ZRANB1: variants seen among roughly 807,000 people sequenced by gnomAD.
ZRANB1 encodes zinc finger RANBP2-type containing 1, also known as ubiquitin thioesterase ZRANB1.
Under a neutral mutation model 80.5 loss-of-function variants are expected in ZRANB1, and 16 were observed. That is an observed-to-expected ratio of 0.20 (90% CI 0.13 to 0.30). The LOEUF (loss-of-function observed/expected upper bound fraction) is 0.30. ZRANB1 is among the 10% of genes least tolerant of loss of function. The pLI, the probability that ZRANB1 is intolerant of heterozygous loss-of-function variation, is 1.00. For missense variants in ZRANB1, 576 were observed against 862.6 expected (o/e 0.67, Z 4.16); for synonymous variants, 291 against 293.1 (o/e 0.99, Z 0.07).
At chr10:124,966,288 T>A (rs1951775018) in intron 1 of ZRANB1, among the ~76,000 whole-genome samples, 2 of 151,992 alleles carry the variant, frequency 1.3e-5, no homozygotes, top group Admixed American at 1.3e-4. Flanking sequence ...TACGTCTGGT[T>A]TCTCATACTA....
the ZRANB1 span, among the ~76,000 whole-genome samples, chr10:124,928,888 G>T: frequency 6.6e-6 from 1 of 152,176 alleles, no homozygotes; most frequent in African/African-American, 2.4e-5. Flanking sequence ...TGGAAAATCT[G>T]GGGAAATAAC....
rs375260411 is a variant in ZRANB1, at chr10:124,988,037, A to AAAGTC, written c.*3047_*3051dup. 6.6e-6 allele frequency: 1 copy of AAAGTC among 152,392 alleles called. No homozygotes were observed. Among genetic ancestry groups the AAAGTC allele is most frequent in the African/African-American group, 2.4e-5 (1 of 41,270 alleles). 9.4% of individuals were successfully genotyped at this position (152,392 alleles called of 1,614,324 possible). A position where few individuals can be genotyped will look rare whatever the true frequency, so the allele number is the denominator to read the frequency against. On this transcript the variant is annotated 3_prime_UTR_variant, in exon 9 of 9. Transcript: ENST00000359653. ...AGGTCATTTTGCTTTGGGGTAGATT[A>AAAGTC]AAGTCAGAACTCTAAAAGTTGAGCA...
At chr10:124,957,975 C>T (rs1277191497) in intron 1 of ZRANB1, among the ~76,000 whole-genome samples, 2 of 152,194 alleles carry the variant, frequency 1.3e-5, no homozygotes, top group Non-Finnish European at 2.9e-5. Flanking sequence ...AGTGATCCAC[C>T]TGCCTCGGCC....
the ZRANB1 span, among the ~76,000 whole-genome samples, chr10:124,928,141 A>G: frequency 4.6e-5 from 7 of 152,208 alleles, no homozygotes; most frequent in African/African-American, 1.4e-4. Context: ...TGGTCCTTGA[A>G]GGAGCAGTAC....
At chr10:124,982,247 G>A (rs533965746) in intron 6 of ZRANB1, among the ~76,000 whole-genome samples, 45 of 152,190 alleles carry the variant, frequency 3.0e-4, no homozygotes, top group Non-Finnish European at 5.1e-4. Context: ...AAGATTACTG[G>A]TGTAGGTACT....
At chr10:124,921,739 A>G in the ZRANB1 span, among the ~76,000 whole-genome samples, 6 of 151,982 alleles carry the variant, frequency 3.9e-5, no homozygotes, top group African/African-American at 1.4e-4. Context: ...AATAGTAGGC[A>G]TTTTAGGCTA....
the ZRANB1 span, among the ~76,000 whole-genome samples, chr10:124,929,516 T>C: frequency 6.6e-6 from 1 of 151,736 alleles, no homozygotes; most frequent in Non-Finnish European, 1.5e-5. Context: ...TTTTTTGTCT[T>C]TTTAGTAGAG....
chr10:124,974,463 G>A (rs183371998), intron 5 of ZRANB1, 65 bp downstream of exon 5: 23 of 1,526,776 alleles, frequency 1.5e-5, no homozygotes, highest in East Asian at 2.3e-5. Context: ...CCTTGTAGTG[G>A]TGGGATACTT....
Position 124,983,122 on chromosome 10 carries a change from A to G in ZRANB1, c.1549-53A>G. 6.4e-7 allele frequency: 1 copy of G among 1,562,386 alleles called. No homozygotes were observed. The highest frequency in any genetic ancestry group is 8.7e-7 in the Non-Finnish European group (1 of 1,155,790). On this transcript the variant is annotated intron_variant, in intron 6 of 8. Transcript: ENST00000359653. The surrounding 1 kb of genome is among the most constrained non-coding windows in gnomAD (Gnocchi z 6.2). ...GAGGTAGTATTGTTTTTTACACATC[A>G]GTTTTCCAGGAGTGGTAATAAATGT... is the stretch of plus-strand genomic sequence containing the variant.
intron 1 of ZRANB1, among the ~76,000 whole-genome samples, chr10:124,963,718 T>C (rs552338001): frequency 1.4e-4 from 22 of 152,094 alleles, no homozygotes; most frequent in Non-Finnish European, 2.5e-4. Flanking sequence ...TATGAAGTAA[T>C]GTCTAAACTT....
intron 5 of ZRANB1, among the ~76,000 whole-genome samples, chr10:124,979,892 TCGTTATGTCATTACCAGA>T (rs1408901240): frequency 6.6e-6 from 1 of 152,272 alleles, no homozygotes; most frequent in Non-Finnish European, 1.5e-5. Flanking sequence ...CACTGGGCTA[TCGTTATGTCATTACCAGA>T]CTGTCTGGAT....
At chr10:124,970,074 A>T (rs1951809385) in intron 2 of ZRANB1, among the ~76,000 whole-genome samples, 1 of 152,146 alleles carries the variant, frequency 6.6e-6, no homozygotes, top group Non-Finnish European at 1.5e-5. Flanking sequence ...TGGGGGAGCC[A>T]TTTTAACTAT....
At chr10:124,928,426 A>C in the ZRANB1 span, among the ~76,000 whole-genome samples, 9 of 152,262 alleles carry the variant, frequency 5.9e-5, no homozygotes, top group South Asian at 1.2e-3. Flanking sequence ...CCCCTCCCCA[A>C]CTGTGCAACT....
At chr10:124,960,908 T>A (rs545982426) in intron 1 of ZRANB1, among the ~76,000 whole-genome samples, 1 of 152,254 alleles carries the variant, frequency 6.6e-6, no homozygotes, top group Non-Finnish European at 1.5e-5. Flanking sequence ...AGAAAAACCT[T>A]TGGATGTGAT....
chr10:124,942,822 A>G lies in ZRANB1; in HGVS notation c.329A>G (p.Gln110Arg). 6.2e-7 allele frequency: 1 copy of G among 1,614,236 alleles called. No homozygotes were observed. Among genetic ancestry groups the G allele is most frequent in the South Asian group, 1.1e-5 (1 of 91,088 alleles). ...RAIRCTQCLS[Q>R]RRTRSPTESP... ...ATCAGATGTACCCAGTGCTTATCCC[A>G]ACGTAGGACCAGGAGTCCTACAGAA... Residue 110 changes from glutamine (Q) to arginine (R), a missense_variant, in exon 1 of 9, where the codon CAA becomes CGA. Around this residue, in one of 3 missense-constraint regions of ZRANB1, gnomAD observed 411 missense variants for 583.1 expected, o/e 0.70. Transcript: ENST00000359653.
At chr10:124,926,278 ATTAATC>A in the ZRANB1 span, among the ~76,000 whole-genome samples, 6 of 152,342 alleles carry the variant, frequency 3.9e-5, no homozygotes, top group South Asian at 1.2e-3. Context: ...TCAAAAATAA[ATTAATC>A]TTAGCTTATT....
At position 124,979,532 on chromosome 10, in the gene ZRANB1, TATCA is replaced by T. The variant is rs1951913843; in HGVS notation, c.1428-2174_1428-2171del. On this transcript the variant is annotated intron_variant, in intron 5 of 8. Coordinates refer to ENST00000359653, the MANE Select transcript of ZRANB1 (RefSeq NM_017580.3). ...GTCTTTAATTTGATCAAGTTCAGTT[TATCA>T]ATGTTTTTCTGTTATTGCTCATGCT... Among the ~76,000 whole-genome samples, 4 of 152,364 alleles carry T rather than the reference TATCA, an allele frequency of 2.6e-5. No individual in the cohort carries two copies. In the South Asian group the frequency reaches 8.3e-4, roughly 32 times the overall value.
the ZRANB1 span, among the ~76,000 whole-genome samples, chr10:124,933,162 A>AT: frequency 2.1e-5 from 3 of 141,130 alleles, no homozygotes; most frequent in Non-Finnish European, 4.6e-5. Flanking sequence ...TTGAGATGGA[A>AT]TTTTGCTCTT....
At chr10:124,926,352 A>G in the ZRANB1 span, among the ~76,000 whole-genome samples, 1 of 152,242 alleles carries the variant, frequency 6.6e-6, no homozygotes, top group Non-Finnish European at 1.5e-5. Flanking sequence ...CTTTTGTAGT[A>G]ACACTTAAAA....
Sources: allele counts gnomAD v4.1 joint callset (sites outside exome capture counted in the v4.1 genomes callset), GRCh38; gene constraint gnomAD v4.1.1; regional missense constraint gnomAD v4.1.1; non-coding constraint Gnocchi (gnomAD v3.1); transcripts MANE v1.5; gene names NCBI Gene and HGNC (gene_info 2026-07-23, HGNC 2026-07-21).